Variants in HSDL2 observed in about 807,000 individuals in gnomAD.
HSDL2 encodes the protein hydroxysteroid dehydrogenase like 2.
HSDL2 carries 27 observed loss-of-function variants against 46.3 expected under a neutral mutation model. The ratio of observed to expected loss-of-function variants is 0.58; its 90% CI spans 0.43 to 0.80. HSDL2 has a LOEUF of 0.80. HSDL2 is among the 30% of genes least tolerant of loss of function. The probability of loss-of-function intolerance (pLI) is 0.00; values close to 1 mark genes in which losing one functional copy is unlikely to be tolerated. For synonymous variants in HSDL2, 153 were observed against 163.6 expected (o/e 0.94, Z 0.50); for missense variants, 451 against 502.7 (o/e 0.90, Z 0.98).
chr9:112,424,275 C>G (rs1052155257), intron 6 of HSDL2, among the ~76,000 whole-genome samples: 2 of 148,678 alleles, frequency 1.3e-5, no homozygotes, highest in Non-Finnish European at 3.0e-5. Context: ...GAGCCGAGAT[C>G]GTGCCACTGC....
Position 112,470,576 on chromosome 9 carries a change from G to A in HSDL2, c.*32G>A, listed in dbSNP as rs1323653394. ...ATATAAAAAAAAAGTCGACTGCTAT[G>A]CTCAAAAAGTAAAAAAAGCTCAACA... On this transcript the variant is annotated 3_prime_UTR_variant, in exon 11 of 11. Transcript: ENST00000398805. The A allele has an allele frequency of 8.2e-7, 1 of 1,220,552 alleles. No homozygotes were observed. Among genetic ancestry groups the A allele is most frequent in the Non-Finnish European group, 1.2e-6 (1 of 852,588 alleles). 75.6% of individuals were successfully genotyped at this position (1,220,552 alleles called of 1,614,324 possible). A position where few individuals can be genotyped will look rare whatever the true frequency, so the allele number is the denominator to read the frequency against.
At chr9:112,444,729 C>A (rs1299598640) in intron 8 of HSDL2, among the ~76,000 whole-genome samples, 3 of 151,762 alleles carry the variant, frequency 2.0e-5, no homozygotes, top group Non-Finnish European at 2.9e-5. Flanking sequence ...GAGAGTGAGA[C>A]CCCTGTCTCA....
At chr9:112,381,288 G>A (rs1373751726) in intron 1 of HSDL2, among the ~76,000 whole-genome samples, 1 of 152,064 alleles carries the variant, frequency 6.6e-6, no homozygotes, top group Admixed American at 6.5e-5. Flanking sequence ...CTTAGCCTCT[G>A]GAGTATTTAG....
At chr9:112,391,580 A>G (rs1248236586) in intron 1 of HSDL2, among the ~76,000 whole-genome samples, 3 of 152,218 alleles carry the variant, frequency 2.0e-5, no homozygotes, top group Non-Finnish European at 2.9e-5. Context: ...GTATGAGTCA[A>G]TAAGAAAAAA....
At chr9:112,404,521 G>A (rs372367787) in intron 2 of HSDL2, among the ~76,000 whole-genome samples, 1 of 151,692 alleles carries the variant, frequency 6.6e-6, no homozygotes. Context: ...GTGACAGAGC[G>A]AGACTCCATC....
At chr9:112,454,566 C>T (rs562566506) in intron 9 of HSDL2, among the ~76,000 whole-genome samples, 55 of 152,236 alleles carry the variant, frequency 3.6e-4, no homozygotes, top group African/African-American at 1.3e-3. Flanking sequence ...GAAAATCCTG[C>T]TTAGAAGGGC....
At chr9:112,414,897 A>T (rs567028777) in intron 4 of HSDL2, among the ~76,000 whole-genome samples, 10 of 152,304 alleles carry the variant, frequency 6.6e-5, no homozygotes, top group African/African-American at 1.9e-4. Context: ...TTTGGTAATT[A>T]AAAAACTGAC....
intron 1 of HSDL2, among the ~76,000 whole-genome samples, chr9:112,398,876 C>G (rs1450721356): frequency 1.3e-5 from 2 of 152,160 alleles, no homozygotes; most frequent in East Asian, 1.9e-4. Flanking sequence ...GAACTCCTCC[C>G]TGTTTTAACA....
intron 9 of HSDL2, among the ~76,000 whole-genome samples, chr9:112,458,968 T>G (rs969211264): frequency 6.7e-6 from 1 of 150,132 alleles, no homozygotes; most frequent in East Asian, 2.0e-4. Context: ...GCGACAGAGC[T>G]AGACTCCATC....
chr9:112,423,859 AC>A lies in HSDL2; in HGVS notation c.598+4902del, dbSNP rs1260135739. On this transcript the variant is annotated intron_variant, in intron 6 of 10. Coordinates refer to ENST00000398805, the MANE Select transcript of HSDL2 (RefSeq NM_032303.5). The stretch of plus-strand genomic sequence containing the variant: ...CTCCCGAATGGCTGGGATTACAGGC[AC>A]TCGCCCCCACGCCCAGCTAATTTTT... Among the ~76,000 whole-genome samples, 10 of 149,418 alleles carry A rather than the reference AC, an allele frequency of 6.7e-5. No individual in the cohort carries two copies. In the South Asian group the frequency reaches 2.1e-3, roughly 32 times the overall value.
chr9:112,454,192 T>A (rs762722679), intron 9 of HSDL2, 30 bp downstream of exon 9: 1 of 1,582,110 alleles, frequency 6.3e-7, no homozygotes, highest in South Asian at 1.1e-5. Flanking sequence ...ATCTGAAGTT[T>A]TTATGAAACA....
chr9:112,454,226 A>G (rs756923087), intron 9 of HSDL2, 64 bp downstream of exon 9: 4 of 1,378,794 alleles, frequency 2.9e-6, no homozygotes, highest in South Asian at 1.3e-5. Flanking sequence ...CCTTTGGAAG[A>G]AAATCAGCGT....
At chr9:112,434,940 T>C (rs1281026252) in intron 6 of HSDL2, among the ~76,000 whole-genome samples, 2 of 152,184 alleles carry the variant, frequency 1.3e-5, no homozygotes. Flanking sequence ...TTGTTGACTC[T>C]TGTGATCCAT....
chr9:112,421,103 G>A (rs1422130224), intron 6 of HSDL2, among the ~76,000 whole-genome samples: 2 of 152,194 alleles, frequency 1.3e-5, no homozygotes, highest in African/African-American at 4.8e-5. Flanking sequence ...GCAGAGGCAG[G>A]AGGATCTCTT....
intron 8 of HSDL2, among the ~76,000 whole-genome samples, chr9:112,451,348 C>T (rs1329078987): frequency 2.0e-5 from 3 of 152,054 alleles, no homozygotes; most frequent in African/African-American, 7.3e-5. Flanking sequence ...ATAAGCATTG[C>T]AAAGGTTATA....
intron 3 of HSDL2, among the ~76,000 whole-genome samples, chr9:112,407,740 A>T (rs887329891): frequency 2.6e-5 from 4 of 152,194 alleles, no homozygotes; most frequent in Admixed American, 6.5e-5. Context: ...TTAATTTTTT[A>T]AAATTGTGGT....
In HSDL2 at chr9:112,471,057, C is replaced by CAAT. The variant is rs1247008302; in HGVS notation, c.*517_*519dup. On this transcript the variant is annotated 3_prime_UTR_variant, in exon 11 of 11. Transcript: ENST00000398805. ...TAGTACTGGCGAGGACTAAATGAAA[C>CAAT]AATAATTTTTCATTTTGATAACTAG... The CAAT allele has an allele frequency of 6.6e-6, 1 of 152,166 alleles. No individual in the cohort carries two copies. The highest frequency in any genetic ancestry group is 1.9e-4 in the East Asian group (1 of 5,188). The allele number at this position is 152,166 out of a possible 1,614,324, so 9.4% of individuals were successfully genotyped here. A position where few individuals can be genotyped will look rare whatever the true frequency, so the allele number is the denominator to read the frequency against.
At chr9:112,444,238 G>C (rs1832700507) in intron 8 of HSDL2, among the ~76,000 whole-genome samples, 1 of 152,156 alleles carries the variant, frequency 6.6e-6, no homozygotes, top group Non-Finnish European at 1.5e-5. Flanking sequence ...TCATAGTTCA[G>C]CTCTTTGAGA....
intron 5 of HSDL2, among the ~76,000 whole-genome samples, chr9:112,418,499 C>T (rs1447729192): frequency 6.7e-6 from 1 of 150,180 alleles, no homozygotes; most frequent in Non-Finnish European, 1.5e-5. Flanking sequence ...GGGAGGGTTG[C>T]TTGAGCCCAG....
Sources: allele counts gnomAD v4.1 joint callset (sites outside exome capture counted in the v4.1 genomes callset), GRCh38; gene constraint gnomAD v4.1.1; transcripts MANE v1.5; gene names NCBI Gene and HGNC (gene_info 2026-07-23, HGNC 2026-07-21).